ADGRF5: variants seen among roughly 807,000 people sequenced by gnomAD.
The protein encoded by ADGRF5 is G-protein coupled receptor 116.
In ADGRF5, 75 loss-of-function variants were observed where a neutral mutation model predicts 132.3. The ratio of observed to expected loss-of-function variants is 0.57; its 90% CI spans 0.47 to 0.69. The LOEUF (loss-of-function observed/expected upper bound fraction) is 0.69, where lower values mean the gene tolerates loss of function less well. Among genes scored for constraint, ADGRF5 ranks in the 30% least tolerant of loss-of-function variants. ADGRF5 has a pLI of 0.00. For synonymous variants in ADGRF5, 629 were observed against 597.6 expected, an observed-to-expected ratio of 1.05 and a Z score of -0.77; for missense variants, 1,516 against 1,630.6, an observed-to-expected ratio of 0.93 and a Z score of 1.21.
chr6:46,858,452 G>C lies in ADGRF5; in HGVS notation c.3451C>G (p.Gln1151Glu). 6.2e-7 allele frequency: 1 copy of C among 1,613,920 alleles called. No individual in the cohort carries two copies. Among genetic ancestry groups the C allele is most frequent in the Non-Finnish European group, 8.5e-7 (1 of 1,179,838 alleles). The change falls in exon 17 of 21, where the codon CAG becomes GAG. Residue 1151 changes from glutamine to glutamate, a missense_variant. Coordinates refer to ENST00000283296, the MANE Select transcript of ADGRF5 (RefSeq NM_001098518.2). ...AISVITLGAT[Q>E]PREVYTRKNV... ...TTCCTCGTATAGACTTCCCGGGGCT[G>C]GGTGGCTCCCAGCGTGATGACCGAG... is the stretch of plus-strand genomic sequence containing the variant.
rs1476327004 is a variant in ADGRF5, at chr6:46,856,893, G to A, written c.3790C>T (p.Leu1264Phe). The A allele has an allele frequency of 2.5e-6, 4 of 1,607,740 alleles. No homozygotes were observed. Among genetic ancestry groups the A allele is most frequent in the Non-Finnish European group, 3.4e-6 (4 of 1,176,218 alleles). Residue 1264 changes from leucine to phenylalanine, a missense_variant, in exon 18 of 21, where the codon CTC becomes TTC. Leu to Phe is a conservative substitution (Grantham distance 22). Around this residue, in one of 2 missense-constraint regions of ADGRF5, gnomAD observed 571 missense variants for 701.2 expected, o/e 0.81. Transcript: ENST00000283296. Reference sequence around the variant, plus strand: ...TTCAGATCCCAGAGGCATCCAAAGAGTAAAATGAATAATCCCTGAGAAAAA... The same window carrying A: ...TTCAGATCCCAGAGGCATCCAAAGAATAAAATGAATAATCCCTGAGAAAAA... ...LNVFQGLFILLFGCLWDLKVQ... is the reference protein window; with the variant it reads ...LNVFQGLFILFFGCLWDLKVQ...
chr6:46,893,002 G>C (rs1271215101), intron 3 of ADGRF5, among the ~76,000 whole-genome samples: 1 of 145,216 alleles, frequency 6.9e-6, no homozygotes, highest in Admixed American at 6.9e-5. Context: ...GGAGGCAAAA[G>C]ATAAGTTTAC....
Position 46,853,843 on chromosome 6 carries a change from A to G in ADGRF5, c.*149T>C. 1 of 603,810 alleles carries G rather than the reference A, an allele frequency of 1.7e-6. No homozygotes were observed. The highest frequency in any genetic ancestry group is 2.9e-6 in the Non-Finnish European group (1 of 339,592). 37.4% of individuals were successfully genotyped at this position (603,810 alleles called of 1,614,324 possible). On this transcript the variant is annotated 3_prime_UTR_variant, in exon 21 of 21. Coordinates refer to ENST00000283296, the MANE Select transcript of ADGRF5 (RefSeq NM_001098518.2). Reference sequence around the variant, plus strand: ...ATTATTTTTATTCTGTCTTTACAAAAGAAAGCCTCTTCTCTATGAAAAAGT... The same window carrying G: ...ATTATTTTTATTCTGTCTTTACAAAGGAAAGCCTCTTCTCTATGAAAAAGT...
chr6:46,875,998 G>T (rs549712022), intron 10 of ADGRF5, among the ~76,000 whole-genome samples: 1 of 152,310 alleles, frequency 6.6e-6, no homozygotes, highest in East Asian at 1.9e-4. Context: ...TCCTTTTCCA[G>T]AGTGCTTTGA....
intron 1 of ADGRF5, among the ~76,000 whole-genome samples, chr6:46,929,124 A>C (rs1258190025): frequency 6.6e-6 from 1 of 152,182 alleles, no homozygotes; most frequent in Non-Finnish European, 1.5e-5. Context: ...TGGATTAAGA[A>C]AATGTGGCAC....
At chr6:46,917,552 A>G (rs1383421314) in intron 1 of ADGRF5, among the ~76,000 whole-genome samples, 1 of 152,200 alleles carries the variant, frequency 6.6e-6, no homozygotes, top group Non-Finnish European at 1.5e-5. Context: ...GGATTATTGG[A>G]ACAACTAAAT....
chr6:46,860,664 A>G, intron 16 of ADGRF5, 51 bp downstream of exon 16: 1 of 1,301,380 alleles, frequency 7.7e-7, no homozygotes, highest in Non-Finnish European at 1.1e-6. Flanking sequence ...ACAAATTCTG[A>G]GGGGTGAAAA....
intron 3 of ADGRF5, among the ~76,000 whole-genome samples, chr6:46,891,674 C>T (rs1431589810): frequency 6.6e-6 from 1 of 152,200 alleles, no homozygotes; most frequent in Non-Finnish European, 1.5e-5. Flanking sequence ...TCTTTTCAGT[C>T]ACAACTGAAG....
At chr6:46,912,982 T>G (rs1277448971) in intron 1 of ADGRF5, among the ~76,000 whole-genome samples, 3 of 152,232 alleles carry the variant, frequency 2.0e-5, no homozygotes, top group African/African-American at 7.2e-5. Flanking sequence ...AGTCAGCCCC[T>G]TTTTGCTGGC....
intron 1 of ADGRF5, among the ~76,000 whole-genome samples, chr6:46,911,762 A>C (rs569695075): frequency 6.6e-6 from 1 of 152,332 alleles, no homozygotes; most frequent in South Asian, 2.1e-4. Context: ...AAAAACATTT[A>C]TTAAGTCCTG....
In ADGRF5 at chr6:46,885,092, G is replaced by A. The variant is rs539288027; in HGVS notation, c.329-821C>T. ...GTGGTGTGTCCCAGCTACTCAGGAG[G>A]CTGAGGTGGGAGGATTGCTTGAGCC... On this transcript the variant is annotated intron_variant, in intron 4 of 20. Coordinates refer to ENST00000283296, the MANE Select transcript of ADGRF5 (RefSeq NM_001098518.2). 6.0e-4 allele frequency among the ~76,000 whole-genome samples: 91 copies of A among 151,932 alleles called. 1 individual carries two copies. The highest frequency in any genetic ancestry group is 2.1e-3 in the African/African-American group (89 of 41,396).
At chr6:46,861,077 A>T (rs1489321693) in intron 15 of ADGRF5, among the ~76,000 whole-genome samples, 183 bp from the exon 16 acceptor site, 1 of 152,226 alleles carries the variant, frequency 6.6e-6, no homozygotes, top group Non-Finnish European at 1.5e-5. Flanking sequence ...TCTTCAGAAC[A>T]GAATATGACA....
At chr6:46,928,153 C>A (rs1777350221) in intron 1 of ADGRF5, among the ~76,000 whole-genome samples, 1 of 152,132 alleles carries the variant, frequency 6.6e-6, no homozygotes, top group Admixed American at 6.5e-5. Context: ...GAATCCTGGT[C>A]TATCAAAATT....
chr6:46,930,110 C>T (rs563799424), intron 1 of ADGRF5, among the ~76,000 whole-genome samples: 6 of 151,572 alleles, frequency 4.0e-5, no homozygotes, highest in East Asian at 2.0e-4. Flanking sequence ...CGTGAGCCAC[C>T]GCGCCCAGCC....
intron 1 of ADGRF5, among the ~76,000 whole-genome samples, chr6:46,935,295 G>A (rs1216728831): frequency 6.6e-6 from 1 of 152,086 alleles, no homozygotes; most frequent in Non-Finnish European, 1.5e-5. Flanking sequence ...GAGCCACTGA[G>A]CCCAGCCGAT....
rs756445891 is a variant in ADGRF5 at position 46,884,219 on chromosome 6, C to G, written c.381G>C (p.Gly127=). ...TGTGAAGACACCTTTCCCGAGGCCA[C>G]CCATAACCTGTCTCGCAGGAGCACC... ...EIWCSCETGY[G]WPRERCLHNL... The change falls in exon 5 of 21, where the codon GGG becomes GGC. Residue 127 remains glycine (G), a synonymous_variant. Coordinates refer to ENST00000283296, the MANE Select transcript of ADGRF5 (RefSeq NM_001098518.2). The G allele has an allele frequency of 3.2e-5, 52 of 1,613,902 alleles. No homozygotes were observed. In the South Asian group the frequency reaches 5.5e-4, roughly 17 times the overall value.
chr6:46,876,285 C>T (rs1011815987), intron 10 of ADGRF5, among the ~76,000 whole-genome samples: 6 of 152,232 alleles, frequency 3.9e-5, no homozygotes, highest in South Asian at 2.1e-4. Context: ...ATTCATCCCG[C>T]TCTAAGCATC....
rs141862384 is a variant in ADGRF5, at chr6:46,895,191, G to A, written c.157+4838C>T. ...GACTCTGTCTCAAAAAAAAAGAAACGCTAACATTATTCCTATCAGGCTTCA... is the reference window on the plus strand; with the variant it reads ...GACTCTGTCTCAAAAAAAAAGAAACACTAACATTATTCCTATCAGGCTTCA... On this transcript the variant is annotated intron_variant, in intron 3 of 20. Coordinates refer to ENST00000283296, the MANE Select transcript of ADGRF5 (RefSeq NM_001098518.2). Among the ~76,000 whole-genome samples, 319 of 151,818 alleles carry A rather than the reference G, an allele frequency of 2.1e-3. 3 individuals are homozygous for A. The highest frequency in any genetic ancestry group is 7.4e-3 in the African/African-American group (308 of 41,398).
In ADGRF5 at chr6:46,853,716, A is replaced by G; in HGVS notation, c.*276T>C. On this transcript the variant is annotated 3_prime_UTR_variant, in exon 21 of 21. Transcript: ENST00000283296. ...TCTTCGAAATTCTATATTACAATAT[A>G]GACAGAGAAGTTGGGCCTTGAGGGC... The G allele has an allele frequency of 1.1e-5, 3 of 276,470 alleles. No homozygotes were observed. The South Asian group carries it at 1.3e-4, about 12-fold the overall frequency. 17.1% of individuals were successfully genotyped at this position (276,470 alleles called of 1,614,324 possible).
Sources: gnomAD v4.1 joint callset for allele counts (sites outside exome capture counted in the v4.1 genomes callset) on GRCh38, gnomAD v4.1.1 for gene constraint, gnomAD v4.1.1 regional missense constraint, MANE v1.5 for transcripts, NCBI Gene and HGNC (gene_info 2026-07-23, HGNC 2026-07-21) for gene names.